Variants in KCND2 observed in about 807,000 individuals in gnomAD.
KCND2 encodes the protein A-type voltage-gated potassium channel KCND2.
A neutral mutation model predicts 54.4 loss-of-function variants in KCND2; 16 were observed. That is an observed-to-expected ratio of 0.29 (90% confidence interval 0.20 to 0.45). The LOEUF is 0.45. KCND2 is among the 20% of genes least tolerant of loss of function. KCND2 has a pLI of 1.00. For missense variants in KCND2, 486 were observed against 824.2 expected (o/e 0.59, Z 5.02); for synonymous variants, 317 against 310.7 (o/e 1.02, Z -0.21).
chr7:120,525,476 A>C (rs974718637), intron 1 of KCND2, among the ~76,000 whole-genome samples: 1 of 152,246 alleles, frequency 6.6e-6, no homozygotes, highest in East Asian at 1.9e-4. Flanking sequence ...TTAAATCAGC[A>C]TAATAGAAGC....
intron 1 of KCND2, among the ~76,000 whole-genome samples, chr7:120,643,197 G>C (rs947787651): frequency 2.4e-4 from 37 of 152,222 alleles, no homozygotes; most frequent in African/African-American, 8.9e-4. Flanking sequence ...TTGTGCCTAA[G>C]TAAGGAACTA....
chr7:120,600,056 T>C (rs1792795308), intron 1 of KCND2, among the ~76,000 whole-genome samples: 1 of 151,934 alleles, frequency 6.6e-6, no homozygotes, highest in African/African-American at 2.4e-5. Flanking sequence ...TCATATTTTC[T>C]TTTTTTAATT....
chr7:120,361,258 A>G (rs998061057), intron 1 of KCND2, among the ~76,000 whole-genome samples: 1 of 152,058 alleles, frequency 6.6e-6, no homozygotes, highest in South Asian at 2.1e-4. Flanking sequence ...AGCTTGTTCT[A>G]ACCTAAAAAT....
intron 1 of KCND2, among the ~76,000 whole-genome samples, chr7:120,608,549 G>T (rs1792912326): frequency 6.6e-6 from 1 of 151,992 alleles, no homozygotes; most frequent in Non-Finnish European, 1.5e-5. Flanking sequence ...CTCACCTTTT[G>T]TTTCCAGAAG....
chr7:120,337,528 C>T (rs992300831), intron 1 of KCND2, among the ~76,000 whole-genome samples: 3 of 152,168 alleles, frequency 2.0e-5, no homozygotes, highest in Non-Finnish European at 2.9e-5. Flanking sequence ...AAGACTTTCA[C>T]TTCTATTTCT....
At chr7:120,711,557 C>G (rs1448619746) in intron 1 of KCND2, among the ~76,000 whole-genome samples, 1 of 152,078 alleles carries the variant, frequency 6.6e-6, no homozygotes, top group Admixed American at 6.6e-5. Flanking sequence ...GAATGTTAAG[C>G]TAGAAAGGGG....
At chr7:120,286,298 C>T (rs1484883786) in intron 1 of KCND2, among the ~76,000 whole-genome samples, 27 of 151,696 alleles carry the variant, frequency 1.8e-4, no homozygotes, top group Admixed American at 1.8e-3. Context: ...TACACCAATA[C>T]AAAAATGTAC....
intron 1 of KCND2, among the ~76,000 whole-genome samples, chr7:120,534,766 C>T (rs2116369772): frequency 6.6e-6 from 1 of 152,168 alleles, no homozygotes; most frequent in African/African-American, 2.4e-5. Context: ...TCTAAATCTA[C>T]TCTCAAATAA....
At chr7:120,702,878 C>G (rs180939745) in intron 1 of KCND2, among the ~76,000 whole-genome samples, 1 of 152,174 alleles carries the variant, frequency 6.6e-6, no homozygotes, top group Admixed American at 6.5e-5. Context: ...CAATAACCCC[C>G]CCGTCACAGG....
intron 1 of KCND2, among the ~76,000 whole-genome samples, chr7:120,438,421 G>A (rs1163142296): frequency 2.0e-5 from 3 of 152,012 alleles, no homozygotes; most frequent in Non-Finnish European, 4.4e-5. Flanking sequence ...TTTTATATAG[G>A]CCAATTTGAG....
intron 1 of KCND2, among the ~76,000 whole-genome samples, chr7:120,604,543 TAATAATAA>T (rs1792856847): frequency 2.0e-5 from 3 of 146,888 alleles, no homozygotes; most frequent in Non-Finnish European, 3.0e-5. Context: ...ATAATAATAA[TAATAATAA>T]TATTACTAAT....
At position 120,750,032 on chromosome 7, in the gene KCND2, A is replaced by C. The variant is rs1185963984; in HGVS notation, c.*2174A>C. On this transcript the variant is annotated 3_prime_UTR_variant, in exon 6 of 6. Transcript: ENST00000331113. ...CTCTTTTGATTTATCACTTACCCAAAATTATTAATTTTATTAGGCTTTTGG... is the reference window on the plus strand; with the variant it reads ...CTCTTTTGATTTATCACTTACCCAACATTATTAATTTTATTAGGCTTTTGG... 2 of 151,914 alleles carry C rather than the reference A, an allele frequency of 1.3e-5. No homozygotes were observed. Among genetic ancestry groups the C allele is most frequent in the East Asian group, 3.9e-4 (2 of 5,194 alleles). 9.4% of individuals were successfully genotyped at this position (151,914 alleles called of 1,614,324 possible).
intron 1 of KCND2, among the ~76,000 whole-genome samples, chr7:120,457,813 C>T (rs1283066647): frequency 1.3e-5 from 2 of 152,148 alleles, no homozygotes; most frequent in Non-Finnish European, 2.9e-5. Flanking sequence ...ACAGCAGTGC[C>T]CCAATCTCTG....
chr7:120,310,106 T>C lies in KCND2; in HGVS notation c.1115+34359T>C, dbSNP rs1054077428. Among the ~76,000 whole-genome samples, 35 of 152,194 alleles carry C rather than the reference T, an allele frequency of 2.3e-4. 1 individual carries two copies. The highest frequency in any genetic ancestry group is 1.4e-3 in the Admixed American group (21 of 15,266). The stretch of plus-strand genomic sequence containing the variant: ...CTCAGACATGTCCCTATGATAGCAC[T>C]GATGGCACTATCACTGTACTCCTGA... On this transcript the variant is annotated intron_variant, in intron 1 of 5. Transcript: ENST00000331113.
chr7:120,644,394 A>G (rs987885860), intron 1 of KCND2, among the ~76,000 whole-genome samples: 5 of 152,202 alleles, frequency 3.3e-5, no homozygotes, highest in African/African-American at 4.8e-5. Flanking sequence ...GAAGCTATAA[A>G]TGATAGGCCT....
intron 2 of KCND2, chr7:120,740,797 A>G (rs925623649): frequency 4.4e-5 from 20 of 453,838 alleles, no homozygotes; most frequent in African/African-American, 3.0e-4. Flanking sequence ...TAGGCTTACT[A>G]TGTTCTTCAT....
intron 1 of KCND2, among the ~76,000 whole-genome samples, chr7:120,303,057 A>G (rs7800545): frequency 0.13 from 19,128 of 152,176 alleles, 1,272 homozygotes; most frequent in African/African-American, 0.16. Context: ...TATACAATTC[A>G]AAGTTCTATT....
chr7:120,523,165 T>G (rs1791720628), intron 1 of KCND2, among the ~76,000 whole-genome samples: 1 of 152,170 alleles, frequency 6.6e-6, no homozygotes, highest in Non-Finnish European at 1.5e-5. Flanking sequence ...CATTCTGTGA[T>G]TGTGTTGTTT....
chr7:120,529,252 G>C lies in KCND2; in HGVS notation c.1116-203651G>C, dbSNP rs780794600. On this transcript the variant is annotated intron_variant, in intron 1 of 5. Coordinates refer to ENST00000331113, the MANE Select transcript of KCND2 (RefSeq NM_012281.3). ...GAGATTAGATAGAATTGAAGTTTGT[G>C]CTTAAATGAAAAAGATGGTCTTCTA... is the stretch of plus-strand genomic sequence containing the variant. 3.6e-4 allele frequency among the ~76,000 whole-genome samples: 55 copies of C among 152,122 alleles called. 1 individual carries two copies. The highest frequency in any genetic ancestry group is 1.0e-4 in the Non-Finnish European group (7 of 68,020).
Sources: allele counts gnomAD v4.1 joint callset (sites outside exome capture counted in the v4.1 genomes callset), GRCh38; gene constraint gnomAD v4.1.1; transcripts MANE v1.5; gene names NCBI Gene and HGNC (gene_info 2026-07-23, HGNC 2026-07-21).